The following PPM1A variants were observed in gnomAD, a reference collection of about 807,000 sequenced individuals.
PPM1A encodes protein phosphatase, Mg2+/Mn2+ dependent 1A, also known as protein phosphatase 1A.
A neutral mutation model predicts 35.0 loss-of-function variants in PPM1A; 7 were observed. The observed-to-expected ratio is 0.20, with a 90% CI of 0.11 to 0.38. The LOEUF is 0.38. PPM1A is among the 10% of genes least tolerant of loss of function. The probability of loss-of-function intolerance (pLI) is 1.00; values close to 1 mark genes in which losing one functional copy is unlikely to be tolerated. For missense variants in PPM1A, 239 were observed against 467.8 expected, an observed-to-expected ratio of 0.51 and a Z score of 4.51; for synonymous variants, 153 against 167.3, an observed-to-expected ratio of 0.91 and a Z score of 0.66.
At position 60,268,233 on chromosome 14, in the gene PPM1A, T is replaced by G. The variant is rs996096678; in HGVS notation, c.-20-14451T>G. ...CTTTAGTCTTTTTGCATTTTGTTTTTCATGAGCTCTGAAGTTTTTTGAGGG... is the reference window on the plus strand; with the variant it reads ...CTTTAGTCTTTTTGCATTTTGTTTTGCATGAGCTCTGAAGTTTTTTGAGGG... On this transcript the variant is annotated intron_variant, in intron 1 of 5. Transcript: ENST00000395076. 4.3e-6 allele frequency: 4 copies of G among 933,286 alleles called. No homozygotes were observed. In the African/African-American group the frequency reaches 7.1e-5, roughly 17 times the overall value. The allele number at this position is 933,286 out of a possible 1,614,324, so 57.8% of individuals were successfully genotyped here. A position where few individuals can be genotyped will look rare whatever the true frequency, so the allele number is the denominator to read the frequency against.
At chr14:60,256,851 A>AT (rs1257376232) in intron 1 of PPM1A, 6 of 152,210 alleles carry the variant, frequency 3.9e-5, no homozygotes, top group Non-Finnish European at 7.3e-5. Flanking sequence ...ATGCGGTTTC[A>AT]TTGCTACTGC....
At chr14:60,274,756 T>A (rs1167491111) in intron 1 of PPM1A, among the ~76,000 whole-genome samples, 1 of 151,362 alleles carries the variant, frequency 6.6e-6, no homozygotes, top group East Asian at 1.9e-4. Context: ...TTCAGTAAAT[T>A]GCTTCTCATT....
At chr14:60,253,696 G>C (rs1882712409) in intron 1 of PPM1A, among the ~76,000 whole-genome samples, 1 of 152,164 alleles carries the variant, frequency 6.6e-6, no homozygotes, top group Non-Finnish European at 1.5e-5. Flanking sequence ...CAAAGTTTCA[G>C]AAGTTAACAA....
In PPM1A at chr14:60,293,357, T is replaced by G. The variant is rs563067655; in HGVS notation, c.*875T>G. ...AAGCTTGATTTAACAAACAAGAAAC[T>G]TAATCATGTATGTGTAATTCCTCTT... On this transcript the variant is annotated 3_prime_UTR_variant, in exon 6 of 6. Coordinates refer to ENST00000395076, the MANE Select transcript of PPM1A (RefSeq NM_021003.5). The surrounding 1 kb of genome is among the most constrained non-coding windows in gnomAD (Gnocchi z 4.0). 1 of 152,154 alleles carries G rather than the reference T, an allele frequency of 6.6e-6. No individual in the cohort carries two copies. Among genetic ancestry groups the G allele is most frequent in the African/African-American group, 2.4e-5 (1 of 41,554 alleles). The allele number at this position is 152,154 out of a possible 1,614,324, so 9.4% of individuals were successfully genotyped here. A position where few individuals can be genotyped will look rare whatever the true frequency, so the allele number is the denominator to read the frequency against.
intron 1 of PPM1A, among the ~76,000 whole-genome samples, chr14:60,251,394 G>C (rs1293295821): frequency 6.6e-6 from 1 of 152,050 alleles, no homozygotes; most frequent in Non-Finnish European, 1.5e-5. Flanking sequence ...TATGTATTTT[G>C]TGTACATATT....
Position 60,249,742 on chromosome 14 carries a change from C to T in PPM1A, c.-21+65C>T. On this transcript the variant is annotated intron_variant, in intron 1 of 5. Coordinates refer to ENST00000395076, the MANE Select transcript of PPM1A (RefSeq NM_021003.5). This position sits in a 1 kb window ranked among gnomAD's most constrained non-coding sequence, Gnocchi z 4.5. Reference sequence around the variant, plus strand: ...GTGCGGGCCTGCGCGGCGGCGGCGGCGGGCAGGCCTGGGGCCTGTAAACAA... The same window carrying T: ...GTGCGGGCCTGCGCGGCGGCGGCGGTGGGCAGGCCTGGGGCCTGTAAACAA... The T allele has an allele frequency of 1.1e-6, 1 of 934,432 alleles. No homozygotes were observed. Among genetic ancestry groups the T allele is most frequent in the Non-Finnish European group, 1.3e-6 (1 of 784,292 alleles). 57.9% of individuals were successfully genotyped at this position (934,432 alleles called of 1,614,324 possible). A position where few individuals can be genotyped will look rare whatever the true frequency, so the allele number is the denominator to read the frequency against.
chr14:60,245,971 G>C, upstream of PPM1A: 1 of 1,578,354 alleles, frequency 6.3e-7, no homozygotes. The surrounding 1 kb of genome is among the most constrained non-coding windows in gnomAD (Gnocchi z 4.2). Flanking sequence ...GAAGAAAAAG[G>C]GAGGAGAGAG....
chr14:60,281,358 A>T (rs1886391920), intron 1 of PPM1A, among the ~76,000 whole-genome samples: 1 of 152,192 alleles, frequency 6.6e-6, no homozygotes, highest in African/African-American at 2.4e-5. Context: ...CTGCCTATGT[A>T]TCAGTTTGGA....
intron 1 of PPM1A, among the ~76,000 whole-genome samples, chr14:60,255,801 A>G (rs1883058949): frequency 6.6e-6 from 1 of 152,242 alleles, no homozygotes; most frequent in Admixed American, 6.5e-5. Context: ...ATATTGATGT[A>G]GAAGACTAGG....
chr14:60,266,692 T>C (rs1884421731), intron 1 of PPM1A, among the ~76,000 whole-genome samples: 1 of 152,190 alleles, frequency 6.6e-6, no homozygotes, highest in Admixed American at 6.5e-5. Flanking sequence ...TGCATTAGTA[T>C]TGCCTCTTAA....
intron 1 of PPM1A, among the ~76,000 whole-genome samples, chr14:60,258,803 T>G (rs1226767034): frequency 1.3e-5 from 2 of 152,124 alleles, no homozygotes; most frequent in Admixed American, 6.5e-5. Flanking sequence ...GTCTCATGTA[T>G]TCGTCAAGTG....
At chr14:60,250,317 TA>T in intron 1 of PPM1A, 1 of 492,470 alleles carries the variant, frequency 2.0e-6, no homozygotes, top group Non-Finnish European at 2.6e-6. Flanking sequence ...TTTAACTACG[TA>T]AATCGGGTAA....
intron 1 of PPM1A, among the ~76,000 whole-genome samples, chr14:60,258,913 G>A (rs1883440480): frequency 6.6e-6 from 1 of 152,052 alleles, no homozygotes; most frequent in Non-Finnish European, 1.5e-5. Context: ...TGCGATAAGG[G>A]AAATAGAGGA....
chr14:60,258,544 T>C (rs1883393200), intron 1 of PPM1A, among the ~76,000 whole-genome samples: 1 of 152,146 alleles, frequency 6.6e-6, no homozygotes, highest in African/African-American at 2.4e-5. Context: ...TTTAAAGTCA[T>C]TGATGAACAG....
Position 60,282,913 on chromosome 14 carries a change from C to T in PPM1A, c.210C>T (p.Tyr70=), listed in dbSNP as rs1430456447. 6.8e-6 allele frequency: 11 copies of T among 1,614,216 alleles called. No homozygotes were observed. Among genetic ancestry groups the T allele is most frequent in the Non-Finnish European group, 8.5e-6 (10 of 1,180,050 alleles). ...DGHAGSQVAK[Y]CCEHLLDHIT... Reference sequence around the variant, plus strand: ...ATGCTGGTTCTCAGGTTGCCAAATACTGCTGTGAGCATTTGTTAGATCACA... The same window carrying T: ...ATGCTGGTTCTCAGGTTGCCAAATATTGCTGTGAGCATTTGTTAGATCACA... The change falls in exon 2 of 6, where the codon TAC becomes TAT. Residue 70 remains tyrosine (Y), a synonymous_variant. Transcript: ENST00000395076. The surrounding 1 kb of genome is among the most constrained non-coding windows in gnomAD (Gnocchi z 5.1).
intron 2 of PPM1A, 75 bp from the exon 3 acceptor site, chr14:60,285,549 C>T: frequency 1.4e-6 from 2 of 1,426,234 alleles, no homozygotes; most frequent in Non-Finnish European, 1.9e-6. Flanking sequence ...CTGTAATTGG[C>T]ACAGCTGTAA....
At chr14:60,247,556 G>A (rs910038934), upstream of PPM1A, among the ~76,000 whole-genome samples, 1 of 148,270 alleles carries the variant, frequency 6.7e-6, no homozygotes, top group Non-Finnish European at 1.5e-5. Context: ...CATGAACCCG[G>A]GAGGCGGAGC....
At position 60,292,601 on chromosome 14, in the gene PPM1A, A is replaced by G; in HGVS notation, c.*119A>G. The G allele has an allele frequency of 1.2e-6, 1 of 807,442 alleles. No individual in the cohort carries two copies. Among genetic ancestry groups the G allele is most frequent in the East Asian group, 2.7e-5 (1 of 37,490 alleles). The allele number at this position is 807,442 out of a possible 1,614,324, so 50.0% of individuals were successfully genotyped here. On this transcript the variant is annotated 3_prime_UTR_variant, in exon 6 of 6. Coordinates refer to ENST00000395076, the MANE Select transcript of PPM1A (RefSeq NM_021003.5). This position sits in a 1 kb window ranked among gnomAD's most constrained non-coding sequence, Gnocchi z 4.2. ...GGAAGGGGATATGACATGGGTGAGA[A>G]TGATTACATCAGAGAACTTCAGCAG... is the stretch of plus-strand genomic sequence containing the variant.
intron 1 of PPM1A, among the ~76,000 whole-genome samples, chr14:60,252,589 A>G (rs956241531): frequency 6.6e-6 from 1 of 152,202 alleles, no homozygotes; most frequent in Non-Finnish European, 1.5e-5. Context: ...AAGTAATTTT[A>G]TGTCACAATA....
Sources: allele counts gnomAD v4.1 joint callset (sites outside exome capture counted in the v4.1 genomes callset), GRCh38; gene constraint gnomAD v4.1.1; non-coding constraint Gnocchi (gnomAD v3.1); transcripts MANE v1.5; gene names NCBI Gene and HGNC (gene_info 2026-07-23, HGNC 2026-07-21).